The following SEMA5B variants were observed in gnomAD, a reference collection of about 807,000 sequenced individuals.
SEMA5B encodes the protein semaphorin-5B.
A neutral mutation model predicts 135.0 loss-of-function variants in SEMA5B; 66 were observed. That is an observed-to-expected ratio of 0.49 (90% CI 0.40 to 0.60). The LOEUF is 0.60. Among genes scored for constraint, SEMA5B ranks in the 20% least tolerant of loss-of-function variants. The pLI is 0.00. For missense variants in SEMA5B, 1,501 were observed against 1,566.3 expected (o/e 0.96, Z 0.70); for synonymous variants, 690 against 639.5 (o/e 1.08, Z -1.19).
In SEMA5B at chr3:123,001,039, G is replaced by A. The variant is rs560644540; in HGVS notation, c.-39+26425C>T. On this transcript the variant is annotated intron_variant, in intron 1 of 22. Coordinates refer to ENST00000357599, the MANE Select transcript of SEMA5B (RefSeq NM_001031702.4). ...TCCCCAGGAGGCAGCCCTGGGAGGA[G>A]CAGGGCAGATTTCATATCCAAGAGC... Among the ~76,000 whole-genome samples the A allele has an allele frequency of 2.3e-4, 35 of 152,304 alleles. No homozygotes were observed. In the South Asian group the frequency reaches 4.4e-3, roughly 19 times the overall value.
intron 1 of SEMA5B, among the ~76,000 whole-genome samples, chr3:122,970,505 T>C (rs1303537841): frequency 2.0e-5 from 3 of 152,228 alleles, no homozygotes. Context: ...ACCACTGCTA[T>C]AGCCCAGCAG....
chr3:122,911,350 C>T (rs990502274), intron 21 of SEMA5B, 141 bp downstream of exon 21: 6 of 1,544,242 alleles, frequency 3.9e-6, no homozygotes, highest in Middle Eastern at 1.7e-4. Flanking sequence ...GCCCAGACCA[C>T]CCTACACACC....
intron 1 of SEMA5B, among the ~76,000 whole-genome samples, chr3:122,970,085 G>T (rs1941045635): frequency 6.6e-6 from 1 of 152,138 alleles, no homozygotes; most frequent in Admixed American, 6.5e-5. Flanking sequence ...AACCACACTT[G>T]CCCCTGACCT....
chr3:122,915,699 G>A, intron 13 of SEMA5B, 74 bp downstream of exon 13: 1 of 1,602,970 alleles, frequency 6.2e-7, no homozygotes, highest in Non-Finnish European at 8.5e-7. Flanking sequence ...AGGGGATTGG[G>A]GGAATATTGG....
At chr3:122,913,482 C>A in intron 16 of SEMA5B, 52 bp downstream of exon 16, 1 of 1,574,986 alleles carries the variant, frequency 6.3e-7, no homozygotes, top group Non-Finnish European at 8.6e-7. Flanking sequence ...CCGCCCTCCC[C>A]TCGGCTCCAG....
chr3:122,919,066 A>C (rs1256638495), intron 12 of SEMA5B, among the ~76,000 whole-genome samples: 1 of 135,374 alleles, frequency 7.4e-6, no homozygotes, highest in East Asian at 2.1e-4. Context: ...GGTTCATTCC[A>C]TGGGCTCGGA....
At chr3:123,024,703 T>G (rs746940925) in intron 1 of SEMA5B, among the ~76,000 whole-genome samples, 1 of 152,222 alleles carries the variant, frequency 6.6e-6, no homozygotes, top group Non-Finnish European at 1.5e-5. Flanking sequence ...CCATGAGATA[T>G]TCCAGTCAAT....
intron 1 of SEMA5B, among the ~76,000 whole-genome samples, chr3:122,976,813 G>A (rs1433728014): frequency 1.3e-5 from 2 of 152,188 alleles, no homozygotes; most frequent in Admixed American, 1.3e-4. Flanking sequence ...ACTTTGGAAG[G>A]CCAAGGCGGG....
rs867222252 is a variant in SEMA5B at position 123,027,512 on chromosome 3, C to A, written c.-87G>T. On this transcript the variant is annotated 5_prime_UTR_variant, in exon 1 of 23. Coordinates refer to ENST00000357599, the MANE Select transcript of SEMA5B (RefSeq NM_001031702.4). The stretch of plus-strand genomic sequence containing the variant: ...CCGGTTCCCCGCGGCTCCCGACTCC[C>A]GGGCGGCGCGGAGCGGCGGGAGCTA... The A allele has an allele frequency of 6.6e-6, 1 of 152,268 alleles. No homozygotes were observed. Among genetic ancestry groups the A allele is most frequent in the Non-Finnish European group, 1.5e-5 (1 of 68,086 alleles). 9.4% of individuals were successfully genotyped at this position (152,268 alleles called of 1,614,324 possible).
rs529616448 is a variant in SEMA5B at position 122,917,913 on chromosome 3, A to G, written c.1689-2023T>C. On this transcript the variant is annotated intron_variant, in intron 12 of 22. Coordinates refer to ENST00000357599, the MANE Select transcript of SEMA5B (RefSeq NM_001031702.4). ...GGACTACATGCAACACATGTACACA[A>G]GTAGTCCCAGCAACCTGTGGTTTTG... Among the ~76,000 whole-genome samples the G allele has an allele frequency of 4.6e-5, 7 of 151,864 alleles. No individual in the cohort carries two copies. The South Asian group carries it at 1.4e-3, about 31-fold the overall frequency.
Position 122,911,925 on chromosome 3 carries a change from A to C in SEMA5B, c.3041T>G (p.Ile1014Ser). 1 of 1,596,830 alleles carries C rather than the reference A, an allele frequency of 6.3e-7. No individual in the cohort carries two copies. The highest frequency in any genetic ancestry group is 8.6e-7 in the Non-Finnish European group (1 of 1,167,920). ...GTGCTGGCAGGGGTACCTACCGGGAATCTCGCTGTAGGGGCAGGGGCGGCT... is the reference window on the plus strand; with the variant it reads ...GTGCTGGCAGGGGTACCTACCGGGACTCTCGCTGTAGGGGCAGGGGCGGCT... ...SQSRPCPYSE[I>S]PVILPASSME... is the part of the protein sequence containing the mutation. Residue 1014 changes from isoleucine (I) to serine (S), a missense_variant, in exon 20 of 23, where the codon ATT becomes AGT. By Grantham distance (142) the Ile-to-Ser change is moderately radical. Transcript: ENST00000357599.
intron 1 of SEMA5B, among the ~76,000 whole-genome samples, chr3:122,994,523 T>C (rs1380047623): frequency 6.6e-6 from 1 of 152,132 alleles, no homozygotes; most frequent in Non-Finnish European, 1.5e-5. Context: ...GATGGGTCTG[T>C]AGGGAGAAAT....
At position 122,985,536 on chromosome 3, in the gene SEMA5B, G is replaced by T. The variant is rs372119657; in HGVS notation, c.-38-24235C>A. 9.9e-5 allele frequency among the ~76,000 whole-genome samples: 15 copies of T among 152,052 alleles called. 1 individual carries two copies. The East Asian group carries it at 1.2e-3, about 12-fold the overall frequency. On this transcript the variant is annotated intron_variant, in intron 1 of 22. Transcript: ENST00000357599. ...AAAGAAAAAGAAAAATGAGAAAAAT[G>T]TTGTCCCCAGCAACTCCAGCTTCTG... is the stretch of plus-strand genomic sequence containing the variant.
intron 1 of SEMA5B, among the ~76,000 whole-genome samples, chr3:123,021,647 A>T (rs985577112): frequency 6.6e-6 from 1 of 152,126 alleles, no homozygotes; most frequent in African/African-American, 2.4e-5. Context: ...ATAGGGATGG[A>T]TCTAAATTGT....
chr3:122,940,678 G>T (rs961664055), intron 4 of SEMA5B, among the ~76,000 whole-genome samples: 2 of 152,246 alleles, frequency 1.3e-5, no homozygotes, highest in African/African-American at 4.8e-5. Flanking sequence ...AGATGCCGCA[G>T]GCCAGGAGGC....
intron 2 of SEMA5B, among the ~76,000 whole-genome samples, chr3:122,951,208 G>T (rs554052480): frequency 6.6e-6 from 1 of 152,214 alleles, no homozygotes; most frequent in East Asian, 1.9e-4. Flanking sequence ...AAAGCAAGAT[G>T]CAGAACAGCT....
Position 122,948,645 on chromosome 3 carries a change from G to T in SEMA5B, c.189C>A (p.Gly63=). ...GCAGCAACAGCGAGACAGCCAGGGG[G>T]CCTGCAAGCACCATGATAGGCCCCT... The part of the protein sequence containing the change: ...TAEGPIMVLA[G]PLAVSLLLPS... Residue 63 remains glycine, a synonymous_variant, in exon 3 of 23, where the codon GGC becomes GGA. Transcript: ENST00000357599. 1 of 1,613,774 alleles carries T rather than the reference G, an allele frequency of 6.2e-7. No individual in the cohort carries two copies. Among genetic ancestry groups the T allele is most frequent in the Non-Finnish European group, 8.5e-7 (1 of 1,179,870 alleles).
Position 122,912,933 on chromosome 3 carries a change from T to C in SEMA5B, c.2635A>G (p.Thr879Ala). Residue 879 changes from threonine to alanine, a missense_variant, in exon 18 of 23, where the codon ACG becomes GCG. Coordinates refer to ENST00000357599, the MANE Select transcript of SEMA5B (RefSeq NM_001031702.4). ...TTGCGGGGCTCCGGGTTAGTGCACG[T>C]TCTCTTGCGGACGCGGAAGCCCAGC... The part of the protein sequence containing the change: ...CELGFRVRKR[T>A]CTNPEPRNGG... 2 of 1,612,916 alleles carry C rather than the reference T, an allele frequency of 1.2e-6. No homozygotes were observed. The highest frequency in any genetic ancestry group is 1.7e-6 in the Non-Finnish European group (2 of 1,179,524).
chr3:122,925,702 G>A (rs1560304735), intron 9 of SEMA5B, among the ~76,000 whole-genome samples: 1 of 151,804 alleles, frequency 6.6e-6, no homozygotes, highest in Non-Finnish European at 1.5e-5. Flanking sequence ...AAAAGAAAAA[G>A]AAAAAAAGTA....
Sources: gnomAD v4.1 joint callset for allele counts (sites outside exome capture counted in the v4.1 genomes callset) on GRCh38, gnomAD v4.1.1 for gene constraint, MANE v1.5 for transcripts, NCBI Gene and HGNC (gene_info 2026-07-23, HGNC 2026-07-21) for gene names.